The following CEP83 variants were observed in gnomAD, a reference collection of about 807,000 sequenced individuals.
CEP83 encodes the protein centrosomal protein of 83 kDa.
Under a neutral mutation model 101.9 loss-of-function variants are expected in CEP83, and 70 were observed. The observed-to-expected ratio is 0.69, with a 90% CI of 0.57 to 0.84. CEP83 has a LOEUF of 0.84. Among genes scored for constraint, CEP83 ranks in the 40% least tolerant of loss-of-function variants. CEP83 has a pLI of 0.00. For missense variants in CEP83, 715 were observed against 787.2 expected, an observed-to-expected ratio of 0.91 and a Z score of 1.10; for synonymous variants, 264 against 267.9, an observed-to-expected ratio of 0.99 and a Z score of 0.14.
chr12:94,455,006 T>G (rs1012453372), intron 1 of CEP83, among the ~76,000 whole-genome samples: 2 of 151,600 alleles, frequency 1.3e-5, no homozygotes, highest in Non-Finnish European at 1.5e-5. Context: ...CGGACACATC[T>G]GAACATCTGA....
At chr12:94,377,398 A>C (rs2061607372) in intron 7 of CEP83, among the ~76,000 whole-genome samples, 1 of 152,222 alleles carries the variant, frequency 6.6e-6, no homozygotes, top group South Asian at 2.1e-4. Flanking sequence ...AATTCAAAGT[A>C]CATAAATGCA....
At chr12:94,418,521 T>C (rs987211915) in intron 2 of CEP83, among the ~76,000 whole-genome samples, 9 of 152,080 alleles carry the variant, frequency 5.9e-5, no homozygotes, top group East Asian at 1.9e-4. Flanking sequence ...ACAAAATAAA[T>C]AAGCAGCTCA....
At chr12:94,384,278 C>T (rs2062010643) in intron 6 of CEP83, among the ~76,000 whole-genome samples, 1 of 152,128 alleles carries the variant, frequency 6.6e-6, no homozygotes, top group Admixed American at 6.5e-5. Context: ...TCCTTCTGGC[C>T]TCTGATTTCT....
At chr12:94,296,659 C>G in the CEP83 span, among the ~76,000 whole-genome samples, 1 of 152,234 alleles carries the variant, frequency 6.6e-6, no homozygotes, top group African/African-American at 2.4e-5. Context: ...GCCTAGCTGA[C>G]TCTATCTCTT....
chr12:94,413,476 C>A (rs1269611764), intron 2 of CEP83, among the ~76,000 whole-genome samples: 1 of 152,114 alleles, frequency 6.6e-6, no homozygotes, highest in Non-Finnish European at 1.5e-5. Context: ...TGGTAACTGG[C>A]TAGGGAGAAT....
intron 1 of CEP83, among the ~76,000 whole-genome samples, chr12:94,448,065 A>G (rs886312186): frequency 3.9e-5 from 6 of 152,170 alleles, no homozygotes; most frequent in African/African-American, 1.4e-4. Context: ...TGTCAACAAG[A>G]GATAAATCTT....
chr12:94,343,132 T>C (rs144567468), intron 11 of CEP83, among the ~76,000 whole-genome samples: 1,564 of 151,740 alleles, frequency 0.01, 22 homozygotes, highest in South Asian at 0.029. Flanking sequence ...TATATATATA[T>C]ATATATAGAA....
At position 94,403,880 on chromosome 12, in the gene CEP83, TAA is replaced by T. The variant is rs11341038; in HGVS notation, c.325-620_325-619del. ...ATGAAGGAGGAACAAATACTAGTTG[TAA>T]AAAAAAAAAAAAAAAATCTAAAGTT... is the stretch of plus-strand genomic sequence containing the variant. On this transcript the variant is annotated intron_variant, in intron 4 of 16. Coordinates refer to ENST00000397809, the MANE Select transcript of CEP83 (RefSeq NM_016122.3). Among the ~76,000 whole-genome samples the T allele has an allele frequency of 3.2e-3, 453 of 139,760 alleles. 1 individual carries two copies. The highest frequency in any genetic ancestry group is 3.7e-3 in the Middle Eastern group (1 of 268). 91.7% of individuals were successfully genotyped at this position (139,760 alleles called of 152,430 possible).
At chr12:94,412,694 T>A in intron 2 of CEP83, 103 bp from the exon 3 acceptor site, 2 of 48,858 alleles carry the variant, frequency 4.1e-5, no homozygotes, top group Non-Finnish European at 3.3e-5. Context: ...TTTTTTTTTC[T>A]TTTTTTTTTT....
At chr12:94,352,419 C>CA (rs770031305) in intron 11 of CEP83, among the ~76,000 whole-genome samples, 8,800 of 75,550 alleles carry the variant, frequency 0.12, 326 homozygotes, top group Admixed American at 0.17. Flanking sequence ...GACTTTGTCT[C>CA]AAAAAAAAAA....
At chr12:94,301,058 G>C in the CEP83 span, 1 of 1,613,452 alleles carries the variant, frequency 6.2e-7, no homozygotes, top group South Asian at 1.1e-5. Flanking sequence ...ACTAGGGAAG[G>C]TAAGGCCCAG....
chr12:94,283,809 C>G, the CEP83 span, among the ~76,000 whole-genome samples: 1 of 152,050 alleles, frequency 6.6e-6, no homozygotes, highest in Non-Finnish European at 1.5e-5. Context: ...CTGGGCCAGG[C>G]GTGGTGGCTC....
intron 2 of CEP83, among the ~76,000 whole-genome samples, chr12:94,430,564 C>G (rs1047769573): frequency 6.6e-6 from 1 of 151,822 alleles, no homozygotes; most frequent in Non-Finnish European, 1.5e-5. Flanking sequence ...TCAAATAACC[C>G]AATCAGACAA....
Position 94,308,195 on chromosome 12 carries a change from T to C in CEP83, c.*618A>G, listed in dbSNP as rs1232182584. 1 of 152,228 alleles carries C rather than the reference T, an allele frequency of 6.6e-6. No homozygotes were observed. Among genetic ancestry groups the C allele is most frequent in the Non-Finnish European group, 1.5e-5 (1 of 68,034 alleles). The allele number at this position is 152,228 out of a possible 1,614,324, so 9.4% of individuals were successfully genotyped here. A position where few individuals can be genotyped will look rare whatever the true frequency, so the allele number is the denominator to read the frequency against. The stretch of plus-strand genomic sequence containing the variant: ...CATAGGATTTAATTATTTGCACTTA[T>C]TCTCTATTCTAACAAAGCCAAAATC... On this transcript the variant is annotated 3_prime_UTR_variant, in exon 17 of 17. Transcript: ENST00000397809.
At chr12:94,378,714 C>A in intron 7 of CEP83, 77 bp downstream of exon 7, 3 of 1,489,992 alleles carry the variant, frequency 2.0e-6, no homozygotes, top group South Asian at 1.2e-5. Context: ...TACATTTATG[C>A]TCTAAAAATC....
At chr12:94,280,650 T>G in the CEP83 span, among the ~76,000 whole-genome samples, 1 of 152,166 alleles carries the variant, frequency 6.6e-6, no homozygotes, top group African/African-American at 2.4e-5. Context: ...TTTGGTTAGA[T>G]ACAGGATCAA....
In CEP83 at chr12:94,331,808, T is replaced by C. The variant is rs764565020; in HGVS notation, c.1599A>G (p.Ile533Met). ...GCTTATGCTTTTCTTCCAACCACTG[T>C]ATCTGTTTCTCTTCCAATGTCCTGT... is the stretch of plus-strand genomic sequence containing the variant. ...EAEKTLEEKQ[I>M]QWLEEKHKLH... The change falls in exon 14 of 17, where the codon ATA becomes ATG. Residue 533 changes from isoleucine (I) to methionine (M), a missense_variant. Coordinates refer to ENST00000397809, the MANE Select transcript of CEP83 (RefSeq NM_016122.3). 1 of 1,612,720 alleles carries C rather than the reference T, an allele frequency of 6.2e-7. No individual in the cohort carries two copies. The highest frequency in any genetic ancestry group is 8.5e-7 in the Non-Finnish European group (1 of 1,178,674).
the CEP83 span, chr12:94,282,508 G>T: frequency 1.3e-6 from 1 of 760,056 alleles, no homozygotes; most frequent in Non-Finnish European, 2.2e-6. Flanking sequence ...GGAATGACTT[G>T]CAGATCGATC....
downstream of CEP83, chr12:94,305,472 T>C (rs1309700664): frequency 1.8e-5 from 10 of 547,176 alleles, no homozygotes; most frequent in Non-Finnish European, 3.3e-5. Context: ...TGCCTGTGTG[T>C]ATACCGTGGG....
Sources: gnomAD v4.1 joint callset for allele counts (sites outside exome capture counted in the v4.1 genomes callset) on GRCh38, gnomAD v4.1.1 for gene constraint, MANE v1.5 for transcripts, NCBI Gene and HGNC (gene_info 2026-07-23, HGNC 2026-07-21) for gene names.